The following BBS9 variants were observed in gnomAD, a reference collection of about 807,000 sequenced individuals.
BBS9 encodes protein PTHB1.
In BBS9, 89 loss-of-function variants were observed where a neutral mutation model predicts 117.7. That is an observed-to-expected ratio of 0.76 (90% confidence interval 0.64 to 0.90). The LOEUF is 0.90. Ranked by LOEUF, BBS9 falls within the 40% of genes least tolerant of loss-of-function variation. The pLI, the probability that BBS9 is intolerant of heterozygous loss-of-function variation, is 0.00. For synonymous variants in BBS9, 379 were observed against 370.9 expected, an observed-to-expected ratio of 1.02 and a Z score of -0.25; for missense variants, 982 against 1,042.2, an observed-to-expected ratio of 0.94 and a Z score of 0.80.
intron 20 of BBS9, among the ~76,000 whole-genome samples, chr7:33,527,568 C>A (rs181276123): frequency 6.6e-6 from 1 of 152,240 alleles, no homozygotes; most frequent in Non-Finnish European, 1.5e-5. Context: ...TGACCCCTTG[C>A]GCTTCCCAAG....
rs558330084 is a variant in BBS9 at position 33,423,810 on chromosome 7, AG to A, written c.2115+35671del. 6.2e-3 allele frequency among the ~76,000 whole-genome samples: 948 copies of A among 152,268 alleles called. 6 individuals carry two copies. Among genetic ancestry groups the A allele is most frequent in the Non-Finnish European group, 9.9e-3 (675 of 68,024 alleles). On this transcript the variant is annotated intron_variant, in intron 19 of 22. Transcript: ENST00000242067. ...CTTGTAATTGGGGTAAGCAGCCACC[AG>A]GGGGTAGCCATGATTTGGTTAAAAT... is the stretch of plus-strand genomic sequence containing the variant.
intron 5 of BBS9, among the ~76,000 whole-genome samples, chr7:33,183,652 C>T (rs1377434390): frequency 3.3e-5 from 5 of 152,188 alleles, no homozygotes; most frequent in African/African-American, 9.7e-5. Flanking sequence ...CAATTTTGAG[C>T]TTGCAAAAGC....
At chr7:33,437,640 G>A (rs1289984875) in intron 19 of BBS9, among the ~76,000 whole-genome samples, 19 of 152,128 alleles carry the variant, frequency 1.2e-4, no homozygotes, top group African/African-American at 3.6e-4. Flanking sequence ...TTGGGATGCC[G>A]AGGTGGGCGG....
chr7:33,564,204 T>C (rs964802265), intron 21 of BBS9, among the ~76,000 whole-genome samples: 2 of 152,220 alleles, frequency 1.3e-5, no homozygotes, highest in African/African-American at 4.8e-5. Context: ...TTATCTGCTA[T>C]AGACCTATTC....
chr7:33,168,371 G>C (rs1043927195), intron 4 of BBS9, among the ~76,000 whole-genome samples: 3 of 152,116 alleles, frequency 2.0e-5, no homozygotes. Context: ...CTTTGATAGA[G>C]GAGACTCAGT....
At chr7:33,603,329 C>T (rs1398762181) in intron 21 of BBS9, among the ~76,000 whole-genome samples, 1 of 151,942 alleles carries the variant, frequency 6.6e-6, no homozygotes, top group East Asian at 1.9e-4. Context: ...TCCAGGTCTC[C>T]CCTCAGCCCC....
At chr7:33,264,505 T>G in intron 7 of BBS9, 131 bp downstream of exon 7, 1 of 535,524 alleles carries the variant, frequency 1.9e-6, no homozygotes, top group Non-Finnish European at 3.2e-6. Context: ...ATTATGGTTA[T>G]ATTAATGACC....
chr7:33,145,954 A>G (rs1792276139), intron 1 of BBS9, among the ~76,000 whole-genome samples: 1 of 152,150 alleles, frequency 6.6e-6, no homozygotes. Context: ...CCTCCAAAGA[A>G]TCTGTTCTTT....
intron 21 of BBS9, among the ~76,000 whole-genome samples, chr7:33,600,399 GT>G (rs5883410): frequency 0.46 from 68,721 of 148,034 alleles, 20,413 homozygotes; most frequent in African/African-American, 0.83. Context: ...TGAAAAGCAA[GT>G]TTTTTTTTTT....
intron 19 of BBS9, among the ~76,000 whole-genome samples, chr7:33,448,498 A>C (rs975832173): frequency 6.6e-6 from 1 of 152,176 alleles, no homozygotes; most frequent in African/African-American, 2.4e-5. Context: ...CCTGTTCCTC[A>C]GTTTCTTGAA....
chr7:33,159,021 G>C (rs974830148), intron 4 of BBS9, among the ~76,000 whole-genome samples: 1 of 152,170 alleles, frequency 6.6e-6, no homozygotes, highest in Non-Finnish European at 1.5e-5. Context: ...TTTGAACATA[G>C]TTTGAACAAC....
At chr7:33,612,008 GT>G (rs1287513063) in intron 21 of BBS9, among the ~76,000 whole-genome samples, 8 of 150,974 alleles carry the variant, frequency 5.3e-5, no homozygotes, top group Non-Finnish European at 8.9e-5. Context: ...TATATCATTG[GT>G]CCCTACAGTG....
chr7:33,589,298 C>G (rs1382127929), intron 21 of BBS9, among the ~76,000 whole-genome samples: 1 of 152,026 alleles, frequency 6.6e-6, no homozygotes, highest in Non-Finnish European at 1.5e-5. Flanking sequence ...GAGTTACGTC[C>G]CATGCAGGAT....
At chr7:33,505,090 TG>T (rs1845956472) in intron 19 of BBS9, among the ~76,000 whole-genome samples, 2 of 152,244 alleles carry the variant, frequency 1.3e-5, no homozygotes, top group Non-Finnish European at 2.9e-5. Context: ...CTTCTGAGAA[TG>T]TTTTAATTGA....
chr7:33,159,421 C>G (rs912888646), intron 4 of BBS9, among the ~76,000 whole-genome samples: 6 of 152,126 alleles, frequency 3.9e-5, no homozygotes, highest in African/African-American at 1.4e-4. Context: ...AAAAACAAAA[C>G]CTGGTCTGTT....
At chr7:33,439,652 C>T (rs533116414) in intron 19 of BBS9, among the ~76,000 whole-genome samples, 4 of 151,664 alleles carry the variant, frequency 2.6e-5, no homozygotes, top group Non-Finnish European at 5.9e-5. Context: ...CCTCAGCTTC[C>T]CAAGTAGCTG....
chr7:33,342,597 T>C (rs1816778795), intron 11 of BBS9, among the ~76,000 whole-genome samples: 3 of 152,172 alleles, frequency 2.0e-5, no homozygotes, highest in Admixed American at 2.0e-4. Context: ...TCTTTCCAGC[T>C]TCATTTTCCC....
intron 19 of BBS9, among the ~76,000 whole-genome samples, chr7:33,418,619 G>A (rs972350230): frequency 2.6e-5 from 4 of 152,164 alleles, no homozygotes; most frequent in Non-Finnish European, 4.4e-5. Context: ...TCCCTAGGTC[G>A]CTGGAGACAG....
intron 21 of BBS9, among the ~76,000 whole-genome samples, chr7:33,619,047 A>C (rs191744403): frequency 6.6e-6 from 1 of 152,302 alleles, no homozygotes; most frequent in East Asian, 1.9e-4. Context: ...TTCTTCAATC[A>C]AAAGACAGAG....
Sources: allele counts gnomAD v4.1 joint callset (sites outside exome capture counted in the v4.1 genomes callset), GRCh38; gene constraint gnomAD v4.1.1; transcripts MANE v1.5; gene names NCBI Gene and HGNC (gene_info 2026-07-23, HGNC 2026-07-21).